CASR: variants seen among roughly 807,000 people sequenced by gnomAD.
CASR encodes the protein calcium sensing receptor.
CASR carries 23 observed loss-of-function variants against 69.1 expected under a neutral mutation model. The ratio of observed to expected loss-of-function variants is 0.33; its 90% CI spans 0.24 to 0.47. The LOEUF is 0.47. Ranked by LOEUF, CASR falls within the 20% of genes least tolerant of loss-of-function variation. The pLI is 1.00. For synonymous variants in CASR, 541 were observed against 544.7 expected (o/e 0.99, Z 0.10); for missense variants, 924 against 1,356.1 (o/e 0.68, Z 5.00).
At chr3:122,276,622 C>T (rs940242269) in intron 5 of CASR, among the ~76,000 whole-genome samples, 2 of 152,178 alleles carry the variant, frequency 1.3e-5, no homozygotes, top group Admixed American at 6.5e-5. Flanking sequence ...TCACCTGAGT[C>T]ATTTGGTGTT....
rs62269092 is a variant in CASR, at chr3:122,261,783, G to A, written c.748G>A (p.Glu250Lys). The A allele has an allele frequency of 2.8e-3, 4,563 of 1,614,256 alleles. 12 individuals carry two copies. The highest frequency in any genetic ancestry group is 3.6e-3 in the Non-Finnish European group (4,216 of 1,180,042). ...SELISQYSDE[E>K]EIQHVVEVIQ... ...ACTCATCTCCCAGTACTCTGATGAGGAAGAGATCCAGCATGTGGTAGAGGT... is the reference window on the plus strand; with the variant it reads ...ACTCATCTCCCAGTACTCTGATGAGAAAGAGATCCAGCATGTGGTAGAGGT... Residue 250 changes from glutamate (E) to lysine (K), a missense_variant, in exon 4 of 7, where the codon GAA becomes AAA. Coordinates refer to ENST00000639785, the MANE Select transcript of CASR (RefSeq NM_000388.4).
chr3:122,213,977 C>T (rs1382165051), intron 1 of CASR, among the ~76,000 whole-genome samples: 1 of 152,220 alleles, frequency 6.6e-6, no homozygotes, highest in Admixed American at 6.5e-5. Context: ...GTCTTGTCTG[C>T]CCATGTTTAG....
At chr3:122,283,135 C>A (rs1009576642) in intron 6 of CASR, among the ~76,000 whole-genome samples, 2 of 152,214 alleles carry the variant, frequency 1.3e-5, no homozygotes, top group Non-Finnish European at 2.9e-5. Context: ...TCTGCTCTGG[C>A]ATGTCTACAA....
intron 1 of CASR, among the ~76,000 whole-genome samples, chr3:122,252,421 GAA>G (rs751693692): frequency 3.5e-4 from 15 of 43,088 alleles, no homozygotes; most frequent in Middle Eastern, 0.01. Flanking sequence ...AAGAAAGAAA[GAA>G]AGAAAGAAAG....
chr3:122,203,631 T>C (rs2073978759), intron 1 of CASR, among the ~76,000 whole-genome samples: 1 of 152,210 alleles, frequency 6.6e-6, no homozygotes. Flanking sequence ...GGACTGGAAA[T>C]TGCTCTGGGT....
intron 5 of CASR, among the ~76,000 whole-genome samples, chr3:122,278,042 G>A (rs1016665732): frequency 6.6e-6 from 1 of 152,128 alleles, no homozygotes; most frequent in African/African-American, 2.4e-5. Flanking sequence ...CTGTGCTGTT[G>A]TGGAAATGAC....
chr3:122,202,456 T>TGGGGAG (rs1476136661), intron 1 of CASR, among the ~76,000 whole-genome samples: 24 of 147,508 alleles, frequency 1.6e-4, no homozygotes, highest in African/African-American at 5.5e-4. Context: ...AGGGAGACCA[T>TGGGGAG]GGGGAGAGGG....
intron 1 of CASR, among the ~76,000 whole-genome samples, chr3:122,201,312 TG>T (rs1212457646): frequency 6.6e-6 from 1 of 152,196 alleles, no homozygotes; most frequent in Non-Finnish European, 1.5e-5. Context: ...AGCACAGGGT[TG>T]GGGGTAAGGT....
chr3:122,252,336 GA>G (rs1302920422), intron 1 of CASR, among the ~76,000 whole-genome samples: 24 of 36,030 alleles, frequency 6.7e-4, no homozygotes, highest in Admixed American at 1.9e-3. Flanking sequence ...GAAAGAGAGA[GA>G]AAGAAAGAAG....
intron 4 of CASR, among the ~76,000 whole-genome samples, chr3:122,263,325 C>G (rs112217347): frequency 3.1e-4 from 47 of 152,312 alleles, no homozygotes; most frequent in African/African-American, 1.1e-3. Context: ...GGCTGTAAGT[C>G]ACAGTGTCTC....
intron 1 of CASR, among the ~76,000 whole-genome samples, chr3:122,206,935 A>G (rs1180163811): frequency 6.6e-6 from 1 of 151,502 alleles, no homozygotes; most frequent in Non-Finnish European, 1.5e-5. Context: ...TTTGCTTCTG[A>G]TAGTATTTAG....
chr3:122,284,196 C>T lies in CASR; in HGVS notation c.2242C>T (p.Pro748Ser), dbSNP rs2074934184. Residue 748 changes from proline (P) to serine (S), a missense_variant, in exon 7 of 7, where the codon CCG (proline) becomes TCG (serine). This residue lies in a region of CASR where 184 missense variants were observed against 278.8 expected (regional missense o/e 0.66). Transcript: ENST00000639785. ...ICVIWLYTAP[P>S]SSYRNQELED... The stretch of plus-strand genomic sequence containing the variant: ...TGTGATCTGGCTCTACACCGCGCCC[C>T]CGTCAAGCTACCGCAACCAGGAGCT... 6.2e-7 allele frequency: 1 copy of T among 1,614,018 alleles called. No homozygotes were observed. The highest frequency in any genetic ancestry group is 8.5e-7 in the Non-Finnish European group (1 of 1,180,012).
intron 3 of CASR, chr3:122,257,622 A>C: frequency 2.1e-6 from 1 of 473,570 alleles, no homozygotes; most frequent in Non-Finnish European, 3.7e-6. Context: ...CCTTGCATAA[A>C]ACTGTGTCTT....
At chr3:122,264,900 C>T (rs2074672626) in intron 4 of CASR, among the ~76,000 whole-genome samples, 1 of 152,166 alleles carries the variant, frequency 6.6e-6, no homozygotes, top group East Asian at 1.9e-4. Flanking sequence ...AAACTTATCA[C>T]CTATAATCTA....
chr3:122,232,665 T>G (rs976211129), intron 1 of CASR, among the ~76,000 whole-genome samples: 2 of 152,142 alleles, frequency 1.3e-5, no homozygotes, highest in Non-Finnish European at 2.9e-5. Flanking sequence ...GGCTGTGGGC[T>G]GTTGGCAAGG....
In CASR at chr3:122,257,195, T is replaced by G. The variant is rs2107627615; in HGVS notation, c.300T>G (p.Thr100=). Residue 100 remains threonine (T), a synonymous_variant, in exon 3 of 7, where the codon ACT becomes ACG. Coordinates refer to ENST00000639785, the MANE Select transcript of CASR (RefSeq NM_000388.4). ...CGCTGGGATACAGGATATTTGACACTTGCAACACCGTTTCTAAGGCCTTGG... is the reference window on the plus strand; with the variant it reads ...CGCTGGGATACAGGATATTTGACACGTGCAACACCGTTTCTAAGGCCTTGG... The part of the protein sequence containing the change: ...NLTLGYRIFD[T]CNTVSKALEA... 2 of 1,614,176 alleles carry G rather than the reference T, an allele frequency of 1.2e-6. No individual in the cohort carries two copies. The highest frequency in any genetic ancestry group is 1.7e-6 in the Non-Finnish European group (2 of 1,180,018).
chr3:122,260,589 T>C (rs1287358820), intron 3 of CASR, among the ~76,000 whole-genome samples: 1 of 152,108 alleles, frequency 6.6e-6, no homozygotes, highest in Non-Finnish European at 1.5e-5. Flanking sequence ...GTGGGTCTGC[T>C]AACAATGAGT....
At chr3:122,258,729 T>TGTAG (rs2074584947) in intron 3 of CASR, among the ~76,000 whole-genome samples, 1 of 152,200 alleles carries the variant, frequency 6.6e-6, no homozygotes, top group Non-Finnish European at 1.5e-5. Context: ...ATCAAACCAA[T>TGTAG]ATAAGTCTAT....
chr3:122,189,729 T>C lies in CASR; in HGVS notation c.-243+5917T>C, dbSNP rs1321613669. Among the ~76,000 whole-genome samples, 8 of 152,332 alleles carry C rather than the reference T, an allele frequency of 5.3e-5. No homozygotes were observed. The South Asian group carries it at 1.0e-3, about 20-fold the overall frequency. On this transcript the variant is annotated intron_variant, in intron 1 of 6. Coordinates refer to ENST00000639785, the MANE Select transcript of CASR (RefSeq NM_000388.4). ...CTGTTGGTAGAGTTCCTATTAAGCA[T>C]ATTTTTTGTTTATCTTTTGTTTTTC...
Sources: allele counts gnomAD v4.1 joint callset (sites outside exome capture counted in the v4.1 genomes callset), GRCh38; gene constraint gnomAD v4.1.1; regional missense constraint gnomAD v4.1.1; transcripts MANE v1.5; gene names NCBI Gene and HGNC (gene_info 2026-07-23, HGNC 2026-07-21).